Variants in CIMIP1 observed in about 807,000 individuals in gnomAD.
The protein encoded by CIMIP1 is ciliary microtubule inner protein 1.
the CIMIP1 span, chr20:58,161,016 C>T: frequency 1.0e-5 from 5 of 482,868 alleles, no homozygotes; most frequent in Admixed American, 3.9e-5. Context: ...AGAATGTTCA[C>T]GTCCACACCC....
At chr20:58,158,679 T>TCTTCCACCTTTCTTCCAC in the CIMIP1 span, among the ~76,000 whole-genome samples, 6 of 152,130 alleles carry the variant, frequency 3.9e-5, no homozygotes. Context: ...CTGGTTTCCT[T>TCTTCCACCTTTCTTCCAC]CTTCCACCTT....
chr20:58,158,847 T>C, the CIMIP1 span, among the ~76,000 whole-genome samples: 1 of 152,194 alleles, frequency 6.6e-6, no homozygotes, highest in Non-Finnish European at 1.5e-5. Flanking sequence ...CACTCTTGCA[T>C]AGACAAGGAC....
At chr20:58,152,167 T>C in the CIMIP1 span, among the ~76,000 whole-genome samples, 1 of 152,218 alleles carries the variant, frequency 6.6e-6, no homozygotes, top group Non-Finnish European at 1.5e-5. Context: ...TGGCATAAAA[T>C]ACACAACTAT....
the CIMIP1 span, among the ~76,000 whole-genome samples, chr20:58,151,898 T>C: frequency 6.6e-6 from 1 of 152,238 alleles, no homozygotes; most frequent in African/African-American, 2.4e-5. Flanking sequence ...GCATGCTATC[T>C]GCTACGTATT....
chr20:58,160,825 C>T, the CIMIP1 span: 2 of 1,609,822 alleles, frequency 1.2e-6, no homozygotes, highest in Admixed American at 3.3e-5. Flanking sequence ...TGCACTGAAT[C>T]CAGACGGAGT....
At chr20:58,152,777 T>C in the CIMIP1 span, among the ~76,000 whole-genome samples, 642 of 151,076 alleles carry the variant, frequency 4.2e-3, 6 homozygotes, top group African/African-American at 0.015. Flanking sequence ...ATGTTCTTTT[T>C]AATGTAGTTA....
chr20:58,153,968 T>C, the CIMIP1 span, among the ~76,000 whole-genome samples: 1 of 152,166 alleles, frequency 6.6e-6, no homozygotes, highest in Non-Finnish European at 1.5e-5. Context: ...GAGAAGCAGG[T>C]GGGTCTGATG....
chr20:58,151,752 T>G, the CIMIP1 span, among the ~76,000 whole-genome samples: 4 of 152,218 alleles, frequency 2.6e-5, no homozygotes, highest in African/African-American at 9.7e-5. Context: ...ATCCTAATAT[T>G]TGTTAAATTT....
At chr20:58,160,967 G>A in the CIMIP1 span, 1 of 880,452 alleles carries the variant, frequency 1.1e-6, no homozygotes, top group African/African-American at 1.7e-5. Context: ...AACACAAAGT[G>A]TGCCTTAGAC....
the CIMIP1 span, among the ~76,000 whole-genome samples, chr20:58,152,883 CAA>C: frequency 6.6e-6 from 1 of 152,098 alleles, no homozygotes; most frequent in African/African-American, 2.4e-5. Flanking sequence ...CTGCCCAGGG[CAA>C]AGAGTTGACC....
At chr20:58,155,880 G>A in the CIMIP1 span, among the ~76,000 whole-genome samples, 1 of 152,358 alleles carries the variant, frequency 6.6e-6, no homozygotes, top group South Asian at 2.1e-4. Context: ...AGGCAGGGCA[G>A]ACCCAGGCAG....
the CIMIP1 span, among the ~76,000 whole-genome samples, chr20:58,159,963 C>T: frequency 6.6e-6 from 1 of 152,222 alleles, no homozygotes; most frequent in African/African-American, 2.4e-5. Flanking sequence ...CTCATAACCC[C>T]AAGCATATTA....
the CIMIP1 span, chr20:58,160,801 G>T: frequency 6.2e-7 from 1 of 1,612,914 alleles, no homozygotes. Flanking sequence ...AGCTGTGCTG[G>T]CCCAAGCAGG....
the CIMIP1 span, among the ~76,000 whole-genome samples, chr20:58,152,709 G>C: frequency 2.1e-5 from 2 of 93,338 alleles, no homozygotes; most frequent in Non-Finnish European, 4.2e-5. Flanking sequence ...GCAAAAAAAA[G>C]GCGAAACTCC....
chr20:58,160,947 T>C, the CIMIP1 span: 1 of 1,076,864 alleles, frequency 9.3e-7, no homozygotes, highest in Non-Finnish European at 1.3e-6. Context: ...GCTCATGGGA[T>C]GTTGCAAAGA....
the CIMIP1 span, among the ~76,000 whole-genome samples, chr20:58,152,421 TTTATTTAAAAAAAAAAAAGA>T: frequency 8.7e-6 from 1 of 115,572 alleles, no homozygotes; most frequent in Non-Finnish European, 1.9e-5. Flanking sequence ...ATTACGATGA[TTTATTTAAAAAAAAAAAAGA>T]TTATTTAAGT....
the CIMIP1 span, chr20:58,151,112 C>A: frequency 1.5e-6 from 2 of 1,357,120 alleles, no homozygotes. Flanking sequence ...GTTTCCCCAC[C>A]AAGTCCGGGA....
chr20:58,160,037 C>T, the CIMIP1 span, among the ~76,000 whole-genome samples: 1 of 152,198 alleles, frequency 6.6e-6, no homozygotes, highest in African/African-American at 2.4e-5. Flanking sequence ...TGTTCAAATC[C>T]CCTTATGCAG....
the CIMIP1 span, among the ~76,000 whole-genome samples, chr20:58,159,393 G>A: frequency 1.1e-4 from 16 of 151,906 alleles, no homozygotes; most frequent in South Asian, 2.7e-3. Flanking sequence ...GCACTTACCT[G>A]TAATCCCAGC....
Sources: allele counts gnomAD v4.1 joint callset (sites outside exome capture counted in the v4.1 genomes callset), GRCh38; gene constraint gnomAD v4.1.1; transcripts MANE v1.5; gene names NCBI Gene and HGNC (gene_info 2026-07-23, HGNC 2026-07-21).